TMPRSS9: variants seen among roughly 807,000 people sequenced by gnomAD.
The protein encoded by TMPRSS9 is transmembrane serine protease 9, also known as transmembrane protease serine 9.
A neutral mutation model predicts 111.4 loss-of-function variants in TMPRSS9; 113 were observed. That is an observed-to-expected ratio of 1.01 (90% CI 0.87 to 1.19). The LOEUF (loss-of-function observed/expected upper bound fraction) is 1.19. Ranked by LOEUF, TMPRSS9 falls within the 50% of genes most tolerant of loss-of-function variation. The probability of loss-of-function intolerance (pLI) is 0.00; values close to 1 mark genes in which losing one functional copy is unlikely to be tolerated. For synonymous variants in TMPRSS9, 805 were observed against 659.1 expected (o/e 1.22, Z -3.39); for missense variants, 1,803 against 1,513.1 (o/e 1.19, Z -3.18).
At chr19:2,400,843 G>A (rs1384685162) in intron 4 of TMPRSS9, among the ~76,000 whole-genome samples, 4 of 150,830 alleles carry the variant, frequency 2.7e-5, no homozygotes, top group African/African-American at 7.3e-5. Flanking sequence ...GCATGGTGGC[G>A]GGCGCCTATA....
chr19:2,423,809 G>A (rs1360447025), intron 14 of TMPRSS9, among the ~76,000 whole-genome samples: 1 of 152,054 alleles, frequency 6.6e-6, no homozygotes, highest in African/African-American at 2.4e-5. Flanking sequence ...AGACGGAGAT[G>A]TGGGAGGCTG....
chr19:2,416,856 C>T (rs746800889), intron 12 of TMPRSS9, 47 bp downstream of exon 13: 2 of 1,559,534 alleles, frequency 1.3e-6, no homozygotes, highest in South Asian at 1.2e-5. Flanking sequence ...TTCTCCAGGG[C>T]CTGGCCTGGG....
intron 1 of TMPRSS9, among the ~76,000 whole-genome samples, chr19:2,374,312 C>T (rs1368707140): frequency 1.4e-5 from 2 of 139,178 alleles, no homozygotes; most frequent in Admixed American, 7.8e-5. Context: ...GTGGCTCACG[C>T]CTGTAATCCC....
intron 1 of TMPRSS9, among the ~76,000 whole-genome samples, chr19:2,374,014 C>T (rs138148209): frequency 2.0e-5 from 3 of 152,212 alleles, no homozygotes; most frequent in Admixed American, 6.5e-5. Context: ...AAAGAAGGCT[C>T]GTGTCTATCC....
chr19:2,361,616 C>A (rs1970199466), intron 1 of TMPRSS9, among the ~76,000 whole-genome samples: 1 of 152,152 alleles, frequency 6.6e-6, no homozygotes, highest in African/African-American at 2.4e-5. Flanking sequence ...GTTATCCCCG[C>A]ATGACCGGGA....
chr19:2,374,728 G>A (rs73919618), intron 1 of TMPRSS9, among the ~76,000 whole-genome samples: 16,859 of 151,988 alleles, frequency 0.11, 1,834 homozygotes, highest in African/African-American at 0.29. Context: ...TCTGACCACC[G>A]GCTGGCTCTG....
exon 16 of TMPRSS9, chr19:2,425,065 G>A (rs568564602): frequency 2.7e-5 from 43 of 1,570,900 alleles, no homozygotes; most frequent in South Asian, 1.4e-4. Flanking sequence ...GCGCGGAGGG[G>A]CAGCTGGAGC....
intron 16 of TMPRSS9, 35 bp downstream of exon 17, chr19:2,425,302 CG>C (rs930801793): frequency 7.4e-6 from 9 of 1,223,630 alleles, no homozygotes; most frequent in Admixed American, 4.7e-5. Context: ...GTGCGGGGCT[CG>C]GGGGGCGGCC....
At chr19:2,425,201 C>A in exon 16 of TMPRSS9, 1 of 1,514,666 alleles carries the variant, frequency 6.6e-7, no homozygotes. Flanking sequence ...CCTGCCCGAG[C>A]CCGCGCCGCG....
chr19:2,394,696 T>G (rs1445028397), intron 1 of TMPRSS9, among the ~76,000 whole-genome samples: 1 of 152,200 alleles, frequency 6.6e-6, no homozygotes, highest in Admixed American at 6.6e-5. Flanking sequence ...ATCTAGCATA[T>G]CTATCCATTT....
chr19:2,373,791 T>A (rs150394976), intron 1 of TMPRSS9, among the ~76,000 whole-genome samples: 19 of 152,362 alleles, frequency 1.2e-4, no homozygotes, highest in East Asian at 5.8e-4. Context: ...TGAGCCACAG[T>A]GCCCGGCCAA....
At chr19:2,393,761 A>T (rs12980665) in intron 1 of TMPRSS9, among the ~76,000 whole-genome samples, 1 of 151,262 alleles carries the variant, frequency 6.6e-6, no homozygotes, top group African/African-American at 2.4e-5. Flanking sequence ...AGCTGGGCAG[A>T]CTGGTACGCG....
At chr19:2,415,175 C>T (rs1216885357) in intron 10 of TMPRSS9, among the ~76,000 whole-genome samples, 2 of 152,008 alleles carry the variant, frequency 1.3e-5, no homozygotes, top group East Asian at 1.9e-4. Flanking sequence ...GAACTCCTGA[C>T]CTCAGGTGAT....
At chr19:2,365,641 C>G (rs888093975) in intron 1 of TMPRSS9, among the ~76,000 whole-genome samples, 3 of 151,788 alleles carry the variant, frequency 2.0e-5, no homozygotes, top group Non-Finnish European at 4.4e-5. Context: ...AAAAAAACTA[C>G]ACAGACAGGT....
chr19:2,372,339 C>G (rs886744119), intron 1 of TMPRSS9, among the ~76,000 whole-genome samples: 3 of 139,208 alleles, frequency 2.2e-5, no homozygotes, highest in Admixed American at 6.9e-5. Context: ...CTCTCAAACC[C>G]GGCCAGTAAC....
chr19:2,397,427 G>A (rs370914984), intron 2 of TMPRSS9, among the ~76,000 whole-genome samples: 1 of 151,958 alleles, frequency 6.6e-6, no homozygotes, highest in South Asian at 2.1e-4. Context: ...AGTAGCCAGG[G>A]TTACAGGCAC....
exon 4 of TMPRSS9, chr19:2,399,125 G>T (rs149198333): frequency 1.5e-5 from 25 of 1,613,284 alleles, no homozygotes; most frequent in Non-Finnish European, 1.9e-5. Context: ...CGAGGGATCC[G>T]GGCAAGGCTG....
chr19:2,398,897 G>T (rs1029545098), intron 3 of TMPRSS9, 35 bp downstream of exon 4: 20 of 1,530,190 alleles, frequency 1.3e-5, no homozygotes, highest in Non-Finnish European at 1.4e-5. Context: ...AAGGAAACTT[G>T]GTGGACATCT....
chr19:2,376,043 G>T (rs1970331546), intron 1 of TMPRSS9, among the ~76,000 whole-genome samples: 1 of 152,140 alleles, frequency 6.6e-6, no homozygotes, highest in Non-Finnish European at 1.5e-5. Context: ...GGGAGCGTGT[G>T]TTGGCTTCCT....
Sources: allele counts gnomAD v4.1 joint callset (sites outside exome capture counted in the v4.1 genomes callset), GRCh38; gene constraint gnomAD v4.1.1; transcripts MANE v1.5; gene names NCBI Gene and HGNC (gene_info 2026-07-23, HGNC 2026-07-21).